The following PRKDC variants were observed in gnomAD, a reference collection of about 807,000 sequenced individuals.
The protein encoded by PRKDC is DNA-dependent protein kinase catalytic subunit.
In PRKDC, 82 loss-of-function variants were observed where a neutral mutation model predicts 486.9. The ratio of observed to expected loss-of-function variants is 0.17; its 90% CI spans 0.14 to 0.20. The LOEUF (loss-of-function observed/expected upper bound fraction) is 0.20, where lower values mean the gene tolerates loss of function less well. PRKDC is among the 10% of genes least tolerant of loss of function. PRKDC has a pLI of 1.00. For synonymous variants in PRKDC, 1,895 were observed against 1,837.0 expected, an observed-to-expected ratio of 1.03 and a Z score of -0.81; for missense variants, 4,504 against 5,038.2, an observed-to-expected ratio of 0.89 and a Z score of 3.21.
At chr8:47,775,913 C>T (rs1223911831) in intron 85 of PRKDC, among the ~76,000 whole-genome samples, 1 of 151,026 alleles carries the variant, frequency 6.6e-6, no homozygotes, top group African/African-American at 2.4e-5. Context: ...ACCTCCGCCT[C>T]CCCAGGTTCA....
intron 7 of PRKDC, among the ~76,000 whole-genome samples, chr8:47,950,826 T>A (rs2090615358): frequency 6.6e-6 from 1 of 150,594 alleles, no homozygotes; most frequent in Admixed American, 6.6e-5. Flanking sequence ...CTGCAAAATA[T>A]AAAAGGAGCC....
rs746467406 is a variant in PRKDC, at chr8:47,907,411, TAC to T, written c.2935-2437_2935-2436del. On this transcript the variant is annotated intron_variant, in intron 25 of 85. Coordinates refer to ENST00000314191, the MANE Select transcript of PRKDC (RefSeq NM_006904.7). ...GTATACATAGCTATATATATATATA[TAC>T]ACACACACACACACACACACACACA... 5.8e-3 allele frequency among the ~76,000 whole-genome samples: 862 copies of T among 147,916 alleles called. 5 individuals are homozygous for T. The highest frequency in any genetic ancestry group is 8.6e-3 in the East Asian group (44 of 5,096).
chr8:47,829,957 C>A (rs755391452), intron 61 of PRKDC, among the ~76,000 whole-genome samples: 106 of 152,086 alleles, frequency 7.0e-4, no homozygotes, highest in Non-Finnish European at 6.9e-4. Flanking sequence ...CAAAAAAGAG[C>A]CCGTATAGCC....
chr8:47,943,253 A>G lies in PRKDC; in HGVS notation c.922T>C (p.Leu308=). The G allele has an allele frequency of 1.2e-6, 2 of 1,613,312 alleles. No homozygotes were observed. Among genetic ancestry groups the G allele is most frequent in the South Asian group, 2.2e-5 (2 of 90,800 alleles). Residue 308 remains leucine, a synonymous_variant, in exon 10 of 86, where the codon TTG becomes CTG. Coordinates refer to ENST00000314191, the MANE Select transcript of PRKDC (RefSeq NM_006904.7). Reference sequence around the variant, plus strand: ...AGGGCTGAAAGTGCAGCTTTTTTCAATTCTACATTTGTGTGGGCACACCAC... The same window carrying G: ...AGGGCTGAAAGTGCAGCTTTTTTCAGTTCTACATTTGTGTGGGCACACCAC... ...LKWCAHTNVE[L]KKAALSALES... is the part of the protein sequence containing the mutation.
chr8:47,904,831 C>A, intron 26 of PRKDC, 38 bp downstream of exon 26: 2 of 1,353,952 alleles, frequency 1.5e-6, no homozygotes, highest in South Asian at 1.2e-5. Flanking sequence ...TACAACTAAT[C>A]GATGGGAGTA....
intron 84 of PRKDC, 32 bp downstream of exon 84, chr8:47,777,654 A>G (rs373099800): frequency 5.7e-5 from 88 of 1,540,830 alleles, no homozygotes; most frequent in Non-Finnish European, 7.5e-5. Flanking sequence ...CACTGTCACA[A>G]AAGTGAAAAG....
At position 47,960,134 on chromosome 8, in the gene PRKDC, A is replaced by T; in HGVS notation, c.-8T>A. 1 of 1,477,122 alleles carries T rather than the reference A, an allele frequency of 6.8e-7. No homozygotes were observed. Among genetic ancestry groups the T allele is most frequent in the Non-Finnish European group, 9.0e-7 (1 of 1,115,020 alleles). 91.5% of individuals were successfully genotyped at this position (1,477,122 alleles called of 1,614,324 possible). On this transcript the variant is annotated 5_prime_UTR_variant, in exon 1 of 86. Transcript: ENST00000314191. ...GGCTCCGGAGCCCGCCATGCCGCCG[A>T]GTCCCGCTCCCGCGCGTGCGCCCGC...
chr8:47,869,388 G>A (rs2088894000), intron 40 of PRKDC, among the ~76,000 whole-genome samples: 1 of 151,658 alleles, frequency 6.6e-6, no homozygotes, highest in Non-Finnish European at 1.5e-5. Context: ...CCAGGTCCTG[G>A]CTCCCAGACG....
chr8:47,890,417 T>A lies in PRKDC; in HGVS notation c.3911A>T (p.His1304Leu). 6.3e-7 allele frequency: 1 copy of A among 1,598,018 alleles called. No individual in the cohort carries two copies. Among genetic ancestry groups the A allele is most frequent in the Non-Finnish European group, 8.5e-7 (1 of 1,171,462 alleles). ...GCACTTTTCTGCTGCTATAATGTCA[T>A]GCATGGCAATGCTTTCTAAGAAGAA... ...VAFFLESIAMHDIIAAEKCFG... is the reference protein window; with the variant it reads ...VAFFLESIAMLDIIAAEKCFG... Residue 1304 changes from histidine to leucine, a missense_variant, in exon 32 of 86, where the codon CAT (histidine) becomes CTT (leucine). His to Leu is a moderately conservative substitution (Grantham distance 99, BLOSUM62 -3). This residue lies in a region of PRKDC where 1,969 missense variants were observed against 2,068.9 expected (regional missense o/e 0.95). Transcript: ENST00000314191.
chr8:47,818,810 A>G (rs1294790992), intron 67 of PRKDC, among the ~76,000 whole-genome samples: 2 of 152,220 alleles, frequency 1.3e-5, no homozygotes, highest in Non-Finnish European at 2.9e-5. Flanking sequence ...TAGGACAAAA[A>G]TGAAATTCAG....
chr8:47,838,923 C>T (rs544227776), intron 56 of PRKDC, among the ~76,000 whole-genome samples: 1 of 152,182 alleles, frequency 6.6e-6, no homozygotes, highest in Admixed American at 6.5e-5. Context: ...GCATTTGGTC[C>T]ATATGACTTT....
chr8:47,935,041 T>G lies in PRKDC; in HGVS notation c.1465A>C (p.Arg489=), dbSNP rs1283991208. ...ISTVVHQGLI[R]ICSKPVVLPK... ...AGGACCACTGGTTTAGAACATATTCTGATTAAACCCTGATGCACTGAAAAA... is the reference window on the plus strand; with the variant it reads ...AGGACCACTGGTTTAGAACATATTCGGATTAAACCCTGATGCACTGAAAAA... Residue 489 remains arginine, a synonymous_variant, in exon 14 of 86, where the codon AGA becomes CGA. Coordinates refer to ENST00000314191, the MANE Select transcript of PRKDC (RefSeq NM_006904.7). The G allele has an allele frequency of 2.6e-6, 4 of 1,524,048 alleles. No homozygotes were observed. Among genetic ancestry groups the G allele is most frequent in the African/African-American group, 2.8e-5 (2 of 72,168 alleles). 94.4% of individuals were successfully genotyped at this position (1,524,048 alleles called of 1,614,324 possible).
chr8:47,939,603 G>C lies in PRKDC; in HGVS notation c.1061C>G (p.Ser354Trp). The C allele has an allele frequency of 6.2e-7, 1 of 1,613,410 alleles. No homozygotes were observed. Among genetic ancestry groups the C allele is most frequent in the Non-Finnish European group, 8.5e-7 (1 of 1,179,490 alleles). ...QFYGIIRNVDSNNKELSIAIR... is the reference protein window; with the variant it reads ...QFYGIIRNVDWNNKELSIAIR... ...AGCAATAGATAACTCCTTGTTGTTC[G>C]AATCCACATTTCTGATGATTCCATA... Residue 354 changes from serine (S) to tryptophan (W), a missense_variant, in exon 11 of 86, where the codon TCG becomes TGG. By Grantham distance (177) the Ser-to-Trp change is radical. Around this residue, in one of 6 missense-constraint regions of PRKDC, gnomAD observed 1,969 missense variants for 2,068.9 expected, o/e 0.95. Coordinates refer to ENST00000314191, the MANE Select transcript of PRKDC (RefSeq NM_006904.7).
At chr8:47,904,180 G>A (rs879579744) in intron 26 of PRKDC, among the ~76,000 whole-genome samples, 2 of 152,200 alleles carry the variant, frequency 1.3e-5, no homozygotes, top group Non-Finnish European at 2.9e-5. Flanking sequence ...CTGTGTAAAA[G>A]GTGAACTGCT....
chr8:47,905,960 G>A (rs1457121823), intron 25 of PRKDC, among the ~76,000 whole-genome samples: 1 of 152,150 alleles, frequency 6.6e-6, no homozygotes, highest in Non-Finnish European at 1.5e-5. Context: ...CCTGGTGGAG[G>A]TGTGACCATG....
chr8:47,855,750 T>C (rs549901733), intron 49 of PRKDC, among the ~76,000 whole-genome samples: 47 of 152,336 alleles, frequency 3.1e-4, no homozygotes, highest in African/African-American at 1.1e-3. Context: ...TATCCAGTGC[T>C]TTCTGACTCA....
chr8:47,943,033 GCT>G (rs1207600058), intron 10 of PRKDC, among the ~76,000 whole-genome samples, 174 bp downstream of exon 10: 1 of 152,186 alleles, frequency 6.6e-6, no homozygotes, highest in Non-Finnish European at 1.5e-5. Context: ...CATCTCCCTA[GCT>G]CTCTTTCAGT....
At chr8:47,832,042 G>A (rs955592747) in intron 59 of PRKDC, 116 bp from the exon 60 acceptor site, 26 of 877,794 alleles carry the variant, frequency 3.0e-5, no homozygotes, top group South Asian at 1.6e-4. Flanking sequence ...CAGAGGCAGC[G>A]ACCGGGAGCA....
chr8:47,786,600 G>C (rs1043114868), intron 76 of PRKDC, among the ~76,000 whole-genome samples: 1 of 150,878 alleles, frequency 6.6e-6, no homozygotes, highest in African/African-American at 2.4e-5. Context: ...TAGTTCAATA[G>C]AAATAAATGG....
Sources: allele counts gnomAD v4.1 joint callset (sites outside exome capture counted in the v4.1 genomes callset), GRCh38; gene constraint gnomAD v4.1.1; regional missense constraint gnomAD v4.1.1; transcripts MANE v1.5; gene names NCBI Gene and HGNC (gene_info 2026-07-23, HGNC 2026-07-21).